Variants in CUL3 observed in about 807,000 individuals in gnomAD.
CUL3 encodes cullin-3.
A neutral mutation model predicts 89.1 loss-of-function variants in CUL3; 19 were observed. That is an observed-to-expected ratio of 0.21 (90% CI 0.15 to 0.31). The LOEUF is 0.31. CUL3 is among the 10% of genes least tolerant of loss of function. The probability of loss-of-function intolerance (pLI) is 1.00; values close to 1 mark genes in which losing one functional copy is unlikely to be tolerated. For missense variants in CUL3, 469 were observed against 942.3 expected, an observed-to-expected ratio of 0.50 and a Z score of 6.58; for synonymous variants, 351 against 308.4, an observed-to-expected ratio of 1.14 and a Z score of -1.45.
chr2:224,478,710 C>G (rs1691419035), intron 14 of CUL3: 1 of 174,852 alleles, frequency 5.7e-6, no homozygotes, highest in South Asian at 1.4e-4. Context: ...ACCATGGCTC[C>G]AAGTTAAAAC....
intron 13 of CUL3, among the ~76,000 whole-genome samples, chr2:224,488,903 G>T (rs1691845789): frequency 6.6e-6 from 1 of 152,242 alleles, no homozygotes. Flanking sequence ...ACATCAAAAA[G>T]CTTATCCACC....
chr2:224,489,019 T>C (rs1412310764), intron 13 of CUL3, among the ~76,000 whole-genome samples: 1 of 152,224 alleles, frequency 6.6e-6, no homozygotes, highest in Admixed American at 6.5e-5. Context: ...ACCACATGAT[T>C]ATCTCAATAG....
At chr2:224,535,673 C>T (rs2106264773) in intron 2 of CUL3, 32 bp from the exon 3 acceptor site, 1 of 1,217,790 alleles carries the variant, frequency 8.2e-7, no homozygotes, top group South Asian at 1.2e-5. Context: ...AGTTTGCACA[C>T]ACACATCCAC....
intron 2 of CUL3, among the ~76,000 whole-genome samples, chr2:224,548,874 G>A (rs1409530330): frequency 1.3e-5 from 2 of 151,616 alleles, no homozygotes; most frequent in East Asian, 1.9e-4. Flanking sequence ...ATGGTGGCAC[G>A]TGCCGGTAGC....
intron 11 of CUL3, chr2:224,499,513 C>T (rs1389764631): frequency 4.3e-6 from 1 of 233,288 alleles, no homozygotes; most frequent in Non-Finnish European, 9.6e-6. Flanking sequence ...GTTAACAGTT[C>T]ACCAGTAGAT....
chr2:224,549,029 A>AC (rs1199971369), intron 2 of CUL3, among the ~76,000 whole-genome samples: 2 of 149,456 alleles, frequency 1.3e-5, no homozygotes, highest in African/African-American at 4.9e-5. Context: ...AACAACAACA[A>AC]AAAAGCTGGA....
intron 11 of CUL3, 161 bp downstream of exon 11, chr2:224,500,202 T>A (rs181294146): frequency 2.7e-6 from 2 of 731,244 alleles, no homozygotes; most frequent in Admixed American, 5.0e-5. Flanking sequence ...CAAGATCCTA[T>A]AGAGGGGGAA....
At chr2:224,544,855 A>G (rs1047775712) in intron 2 of CUL3, among the ~76,000 whole-genome samples, 1 of 151,804 alleles carries the variant, frequency 6.6e-6, no homozygotes, top group African/African-American at 2.4e-5. Flanking sequence ...TCACCCTGAG[A>G]ATTCCTGATC....
At chr2:224,577,825 C>G (rs1026294972) in intron 1 of CUL3, among the ~76,000 whole-genome samples, 6 of 152,072 alleles carry the variant, frequency 3.9e-5, no homozygotes, top group Non-Finnish European at 7.4e-5. Context: ...ATACATTATG[C>G]TGGGTAAGAT....
At chr2:224,508,890 A>C (rs1171822663) in intron 6 of CUL3, among the ~76,000 whole-genome samples, 1 of 143,764 alleles carries the variant, frequency 7.0e-6, no homozygotes. Context: ...TGAACCTGGG[A>C]GGCAGAGCTT....
intron 1 of CUL3, among the ~76,000 whole-genome samples, chr2:224,582,083 G>C (rs1470679742): frequency 6.6e-6 from 1 of 152,006 alleles, no homozygotes; most frequent in South Asian, 2.1e-4. Flanking sequence ...TCCAGCCTTA[G>C]CTTCCCAAGT....
chr2:224,549,984 C>A (rs939134947), intron 2 of CUL3, among the ~76,000 whole-genome samples: 14 of 152,118 alleles, frequency 9.2e-5, no homozygotes, highest in Non-Finnish European at 2.1e-4. Flanking sequence ...TTAAGTACCA[C>A]TAACTGGCAA....
rs867998494 is a variant in CUL3 at position 224,506,067 on chromosome 2, G to C, written c.1095C>G (p.Leu365=). ...FLLESFNNDR[L]FKQTIAGDFE... is the part of the protein sequence containing the mutation. ...AGTCACCCGCAATAGTTTGTTTAAA[G>C]AGACGGTCATTGTTGAATGATTCCA... is the stretch of plus-strand genomic sequence containing the variant. Residue 365 remains leucine, a synonymous_variant, in exon 8 of 16, where the codon CTC becomes CTG. Transcript: ENST00000264414. 1.2e-6 allele frequency: 2 copies of C among 1,612,856 alleles called. No homozygotes were observed. Among genetic ancestry groups the C allele is most frequent in the Non-Finnish European group, 1.7e-6 (2 of 1,179,282 alleles).
intron 3 of CUL3, among the ~76,000 whole-genome samples, chr2:224,522,260 A>C (rs1327690145): frequency 6.6e-6 from 1 of 152,154 alleles, no homozygotes; most frequent in Non-Finnish European, 1.5e-5. Context: ...ACAGAAATAG[A>C]AAAATTTTAA....
At chr2:224,493,070 C>A (rs1170443555) in intron 13 of CUL3, among the ~76,000 whole-genome samples, 1 of 152,174 alleles carries the variant, frequency 6.6e-6, no homozygotes, top group Non-Finnish European at 1.5e-5. Flanking sequence ...GAACCCCAGA[C>A]AACATCTAAA....
intron 5 of CUL3, among the ~76,000 whole-genome samples, chr2:224,512,145 G>C (rs1484525223): frequency 1.3e-5 from 2 of 150,910 alleles, no homozygotes; most frequent in Non-Finnish European, 2.9e-5. Context: ...ACCCAGGCTA[G>C]AGTGCAGTGG....
intron 2 of CUL3, among the ~76,000 whole-genome samples, chr2:224,541,704 AAT>A (rs1189349438): frequency 6.6e-6 from 1 of 152,230 alleles, no homozygotes; most frequent in Non-Finnish European, 1.5e-5. Context: ...ACATTCATAC[AAT>A]AGAGTATCAG....
At chr2:224,497,936 TTGTGTGTG>T in intron 11 of CUL3, 87 bp from the exon 12 acceptor site, 2 of 922,990 alleles carry the variant, frequency 2.2e-6, no homozygotes, top group South Asian at 1.4e-5. Context: ...CCTTAAACAT[TTGTGTGTG>T]TGTGTGTGTG....
intron 12 of CUL3, among the ~76,000 whole-genome samples, chr2:224,497,104 T>C (rs1006455992): frequency 6.6e-5 from 10 of 152,196 alleles, no homozygotes; most frequent in Admixed American, 2.0e-4. Context: ...AAAATTCTCA[T>C]TAAAATCTAA....
Sources: allele counts gnomAD v4.1 joint callset (sites outside exome capture counted in the v4.1 genomes callset), GRCh38; gene constraint gnomAD v4.1.1; transcripts MANE v1.5; gene names NCBI Gene and HGNC (gene_info 2026-07-23, HGNC 2026-07-21).